Variants in SPDYE17 observed in about 807,000 individuals in gnomAD.
The protein encoded by SPDYE17 is speedy protein E17.
For missense variants in SPDYE17, 7 were observed against 38.0 expected, an observed-to-expected ratio of 0.18 and a Z score of 2.15; for synonymous variants, 4 against 14.8, an observed-to-expected ratio of 0.27 and a Z score of 1.68.
chr7:77,028,033 G>A lies in SPDYE17; in HGVS notation c.408+109C>T, dbSNP rs373648344. ...AAAACAAAAACAAAAAAAAACTGTAGGAGCATCTGGTGGGAGGTGGTGGAC... is the reference window on the plus strand; with the variant it reads ...AAAACAAAAACAAAAAAAAACTGTAAGAGCATCTGGTGGGAGGTGGTGGAC... On this transcript the variant is annotated intron_variant, in intron 4 of 7. Coordinates refer to ENST00000671986, the MANE Select transcript of SPDYE17 (RefSeq NM_001351351.3). 2,640 of 796,840 alleles carry A rather than the reference G, an allele frequency of 3.3e-3. 577 individuals carry two copies. The East Asian group carries it at 0.052, about 16-fold the overall frequency. The allele number at this position is 796,840 out of a possible 1,614,324, so 49.4% of individuals were successfully genotyped here.
Position 77,023,755 on chromosome 7 carries a change from C to T in SPDYE17, c.*78G>A. ...CATTAGCATTGGAATAAAGTTCCTG[C>T]TGAAAATCCACATCTCCCCTGGGTC... On this transcript the variant is annotated 3_prime_UTR_variant, in exon 8 of 8. Coordinates refer to ENST00000671986, the MANE Select transcript of SPDYE17 (RefSeq NM_001351351.3). The T allele has an allele frequency of 9.8e-6, 2 of 203,554 alleles. No individual in the cohort carries two copies. Among genetic ancestry groups the T allele is most frequent in the Non-Finnish European group, 7.1e-6 (1 of 140,406 alleles). 12.6% of individuals were successfully genotyped at this position (203,554 alleles called of 1,614,324 possible).
Position 77,023,715 on chromosome 7 carries a change from C to T in SPDYE17, c.*118G>A, listed in dbSNP as rs1479756584. 30 of 370,294 alleles carry T rather than the reference C, an allele frequency of 8.1e-5. 7 individuals carry two copies. Among genetic ancestry groups the T allele is most frequent in the Admixed American group, 1.6e-4 (2 of 12,722 alleles). 22.9% of individuals were successfully genotyped at this position (370,294 alleles called of 1,614,324 possible). A position where few individuals can be genotyped will look rare whatever the true frequency, so the allele number is the denominator to read the frequency against. ...ATCTGCACAAATGGTTCCTCTCCTC[C>T]TTCCTGATGTCTGCCATTAGCATTG... On this transcript the variant is annotated 3_prime_UTR_variant, in exon 8 of 8. Transcript: ENST00000671986.
intron 5 of SPDYE17, among the ~76,000 whole-genome samples, chr7:77,026,524 G>C (rs1468495623): frequency 6.7e-6 from 1 of 150,270 alleles, no homozygotes; most frequent in Non-Finnish European, 1.5e-5. Flanking sequence ...ACCCGGAGGA[G>C]GCTGATGGCT....
chr7:77,027,610 G>A lies in SPDYE17; in HGVS notation c.408+532C>T, dbSNP rs1312899350. Among the ~76,000 whole-genome samples, 2 of 63,366 alleles carry A rather than the reference G, an allele frequency of 3.2e-5. 1 individual carries two copies. The highest frequency in any genetic ancestry group is 2.3e-4 in the African/African-American group (2 of 8,744). The allele number at this position is 63,366 out of a possible 152,430, so 41.6% of individuals were successfully genotyped here. On this transcript the variant is annotated intron_variant, in intron 4 of 7. Coordinates refer to ENST00000671986, the MANE Select transcript of SPDYE17 (RefSeq NM_001351351.3). Reference sequence around the variant, plus strand: ...GAAGATTGCTTGAGCCCAGGAATTAGAGTGAGCTATGATCATGCCACTGTA... The same window carrying A: ...GAAGATTGCTTGAGCCCAGGAATTAAAGTGAGCTATGATCATGCCACTGTA...
In SPDYE17 at chr7:77,027,732, A is replaced by G. The variant is rs1440288600; in HGVS notation, c.408+410T>C. ...TGGGAGCTGGTCAGACACAGTGCTG[A>G]CGTCTGTAATCTGAGCACTTTGGGA... is the stretch of plus-strand genomic sequence containing the variant. On this transcript the variant is annotated intron_variant, in intron 4 of 7. Coordinates refer to ENST00000671986, the MANE Select transcript of SPDYE17 (RefSeq NM_001351351.3). 1.6e-4 allele frequency among the ~76,000 whole-genome samples: 20 copies of G among 125,078 alleles called. 3 individuals are homozygous for G. The Admixed American group carries it at 1.8e-3, about 11-fold the overall frequency. 82.1% of individuals were successfully genotyped at this position (125,078 alleles called of 152,430 possible). A position where few individuals can be genotyped will look rare whatever the true frequency, so the allele number is the denominator to read the frequency against.
At position 77,022,850 on chromosome 7, in the gene SPDYE17, T is replaced by A. The variant is rs1209688503; in HGVS notation, c.*983A>T. Among the ~76,000 whole-genome samples the A allele has an allele frequency of 1.7e-5, 2 of 115,456 alleles. No homozygotes were observed. Among genetic ancestry groups the A allele is most frequent in the Middle Eastern group, 4.2e-3 (1 of 238 alleles). 75.7% of individuals were successfully genotyped at this position (115,456 alleles called of 152,430 possible). ...TATATTTAATAAATATTTCAATAAA[T>A]AAAATAATATTTAAATAATTCTGTA... is the stretch of plus-strand genomic sequence containing the variant. On this transcript the variant is annotated 3_prime_UTR_variant, in exon 8 of 8. Transcript: ENST00000671986.
chr7:77,029,663 A>C (rs1789477412), intron 2 of SPDYE17, among the ~76,000 whole-genome samples: 2 of 49,808 alleles, frequency 4.0e-5, no homozygotes, highest in African/African-American at 2.2e-4. Context: ...ACACTGCCTC[A>C]TATCCTTCCC....
rs1237484956 is a variant in SPDYE17 at position 77,027,734 on chromosome 7, G to A, written c.408+408C>T. 1.6e-5 allele frequency among the ~76,000 whole-genome samples: 2 copies of A among 125,672 alleles called. 1 individual carries two copies. The highest frequency in any genetic ancestry group is 3.3e-5 in the Non-Finnish European group (2 of 60,922). 82.4% of individuals were successfully genotyped at this position (125,672 alleles called of 152,430 possible). On this transcript the variant is annotated intron_variant, in intron 4 of 7. Transcript: ENST00000671986. Reference sequence around the variant, plus strand: ...GGAGCTGGTCAGACACAGTGCTGACGTCTGTAATCTGAGCACTTTGGGAGG... The same window carrying A: ...GGAGCTGGTCAGACACAGTGCTGACATCTGTAATCTGAGCACTTTGGGAGG...
In SPDYE17 at chr7:77,029,376, T is replaced by A; in HGVS notation, c.206A>T (p.Asp69Val). 1 of 130,516 alleles carries A rather than the reference T, an allele frequency of 7.7e-6. No individual in the cohort carries two copies. The highest frequency in any genetic ancestry group is 1.2e-5 in the Non-Finnish European group (1 of 84,632). The allele number at this position is 130,516 out of a possible 1,614,324, so 8.1% of individuals were successfully genotyped here. The change falls in exon 3 of 8, where the codon GAT becomes GTT. Residue 69 changes from aspartate to valine, a missense_variant. By Grantham distance (152) the Asp-to-Val change is radical. Coordinates refer to ENST00000671986, the MANE Select transcript of SPDYE17 (RefSeq NM_001351351.3). ...KRKRECLDES[D>V]DEPEKELAPE... ...GGCGAGCTCCTTCTCTGGCTCATCA[T>A]CAGATTCATCCAAACATTCCCTCTT...
At chr7:77,028,071 G>T in intron 4 of SPDYE17, 71 bp downstream of exon 4, 4 of 1,280,086 alleles carry the variant, frequency 3.1e-6, no homozygotes, top group South Asian at 1.5e-5. Flanking sequence ...AGAACTGTGG[G>T]TTTGGAAGCT....
At position 77,032,350 on chromosome 7, in the gene SPDYE17, A is replaced by G. The variant is rs1185128833; in HGVS notation, c.-564T>C. ...CGGAAGGAAATCCCATTGCTATGGA[A>G]GTCCCATTGTTAGGAAGCTCTGCTT... On this transcript the variant is annotated 5_prime_UTR_variant, in exon 1 of 8. Coordinates refer to ENST00000671986, the MANE Select transcript of SPDYE17 (RefSeq NM_001351351.3). Among the ~76,000 whole-genome samples the G allele has an allele frequency of 7.5e-6, 1 of 133,572 alleles. No individual in the cohort carries two copies. Among genetic ancestry groups the G allele is most frequent in the Non-Finnish European group, 1.6e-5 (1 of 63,680 alleles). 87.6% of individuals were successfully genotyped at this position (133,572 alleles called of 152,430 possible). A position where few individuals can be genotyped will look rare whatever the true frequency, so the allele number is the denominator to read the frequency against.
intron 1 of SPDYE17, among the ~76,000 whole-genome samples, chr7:77,031,892 A>T (rs1226776799): frequency 5.7e-5 from 3 of 52,806 alleles, no homozygotes; most frequent in African/African-American, 1.4e-4. Context: ...GAGTTTCATG[A>T]CATTCAGAGA....
At chr7:77,026,513 A>T (rs1044505329) in intron 5 of SPDYE17, among the ~76,000 whole-genome samples, 168 of 150,292 alleles carry the variant, frequency 1.1e-3, no homozygotes, top group African/African-American at 4.0e-3. Flanking sequence ...CTGTCACGGG[A>T]ACCCGGAGGA....
chr7:77,026,172 G>A (rs1232335747), intron 5 of SPDYE17, among the ~76,000 whole-genome samples: 2 of 138,634 alleles, frequency 1.4e-5, no homozygotes, highest in Non-Finnish European at 3.0e-5. Context: ...ACATGTGTGC[G>A]GGACACCCAG....
In SPDYE17 at chr7:77,030,036, C is replaced by T. The variant is rs1256370473; in HGVS notation, c.130+405G>A. The stretch of plus-strand genomic sequence containing the variant: ...TTTCTCCATTCTTCCCACACACCCT[C>T]CCCAGGTTCTCCTTCCTGACCTCTG... On this transcript the variant is annotated intron_variant, in intron 2 of 7. Coordinates refer to ENST00000671986, the MANE Select transcript of SPDYE17 (RefSeq NM_001351351.3). Among the ~76,000 whole-genome samples the T allele has an allele frequency of 1.8e-5, 2 of 111,412 alleles. 1 individual carries two copies. The highest frequency in any genetic ancestry group is 3.5e-5 in the Non-Finnish European group (2 of 57,062). 73.1% of individuals were successfully genotyped at this position (111,412 alleles called of 152,430 possible). A position where few individuals can be genotyped will look rare whatever the true frequency, so the allele number is the denominator to read the frequency against.
chr7:77,029,450 G>T lies in SPDYE17; in HGVS notation c.132C>A (p.Ala44=), dbSNP rs1358647986. Residue 44 remains alanine, a splice_region_variant and synonymous_variant, in exon 3 of 8, where the codon GCC becomes GCA. Transcript: ENST00000671986. ...GTGGGGGGCTGGGATCTACCCCAGG[G>T]GCTGAGTAAAGAAACCAGGCCACCG... is the stretch of plus-strand genomic sequence containing the variant. The part of the protein sequence containing the change: ...VVDDEVSGPS[A]PGVDPSPPRR... 1.5e-4 allele frequency: 15 copies of T among 101,528 alleles called. No individual in the cohort carries two copies. The highest frequency in any genetic ancestry group is 1.8e-4 in the Non-Finnish European group (12 of 66,642). The allele number at this position is 101,528 out of a possible 1,614,324, so 6.3% of individuals were successfully genotyped here. A position where few individuals can be genotyped will look rare whatever the true frequency, so the allele number is the denominator to read the frequency against.
In SPDYE17 at chr7:77,025,846, G is replaced by A. The variant is rs1356349158; in HGVS notation, c.495-735C>T. 26 of 145,168 alleles carry A rather than the reference G, an allele frequency of 1.8e-4. 1 individual carries two copies. The highest frequency in any genetic ancestry group is 5.9e-4 in the African/African-American group (23 of 38,874). The allele number at this position is 145,168 out of a possible 1,614,324, so 9.0% of individuals were successfully genotyped here. A position where few individuals can be genotyped will look rare whatever the true frequency, so the allele number is the denominator to read the frequency against. Reference sequence around the variant, plus strand: ...ATCAAGAGGCTGAGGTGGGAGGATCGCTTGAGCCCAGGATATGGAGGCTGC... The same window carrying A: ...ATCAAGAGGCTGAGGTGGGAGGATCACTTGAGCCCAGGATATGGAGGCTGC... On this transcript the variant is annotated intron_variant, in intron 5 of 7. Coordinates refer to ENST00000671986, the MANE Select transcript of SPDYE17 (RefSeq NM_001351351.3).
In SPDYE17 at chr7:77,029,698, CTTTTT is replaced by C. The variant is rs1166509214; in HGVS notation, c.131-252_131-248del. On this transcript the variant is annotated intron_variant, in intron 2 of 7. Coordinates refer to ENST00000671986, the MANE Select transcript of SPDYE17 (RefSeq NM_001351351.3). Reference sequence around the variant, plus strand: ...CTGGTCCCTGGCTCTCTGAGTCCCTCTTTTTTTTTTTTTTTTTTTTTGTTTCGAGA... The same window carrying C: ...CTGGTCCCTGGCTCTCTGAGTCCCTCTTTTTTTTTTTTTTTTGTTTCGAGA... Among the ~76,000 whole-genome samples, 25 of 41,590 alleles carry C rather than the reference CTTTTT, an allele frequency of 6.0e-4. 1 individual carries two copies. Among genetic ancestry groups the C allele is most frequent in the South Asian group, 2.6e-3 (2 of 760 alleles). 27.3% of individuals were successfully genotyped at this position (41,590 alleles called of 152,430 possible). A position where few individuals can be genotyped will look rare whatever the true frequency, so the allele number is the denominator to read the frequency against.
intron 5 of SPDYE17, among the ~76,000 whole-genome samples, 198 bp downstream of exon 5, chr7:77,026,631 C>A (rs996772579): frequency 2.1e-5 from 3 of 142,808 alleles, no homozygotes; most frequent in Non-Finnish European, 3.0e-5. Context: ...TTTTCTTCTC[C>A]CCTTAGGAGC....
Sources: allele counts gnomAD v4.1 joint callset (sites outside exome capture counted in the v4.1 genomes callset), GRCh38; gene constraint gnomAD v4.1.1; transcripts MANE v1.5; gene names NCBI Gene and HGNC (gene_info 2026-07-23, HGNC 2026-07-21).